Variants in CDH23 observed in about 807,000 individuals in gnomAD.
CDH23 encodes the protein cadherin related 23.
CDH23 carries 189 observed loss-of-function variants against 317.1 expected under a neutral mutation model. The ratio of observed to expected loss-of-function variants is 0.60; its 90% CI spans 0.53 to 0.67. The LOEUF (loss-of-function observed/expected upper bound fraction) is 0.67. Ranked by LOEUF, CDH23 falls within the 30% of genes least tolerant of loss-of-function variation. The pLI, the probability that CDH23 is intolerant of heterozygous loss-of-function variation, is 0.00. For synonymous variants in CDH23, 1,839 were observed against 1,876.8 expected (o/e 0.98, Z 0.52); for missense variants, 4,401 against 4,592.4 (o/e 0.96, Z 1.20).
intron 3 of CDH23, among the ~76,000 whole-genome samples, chr10:71,455,723 C>T (rs12772205): frequency 0.45 from 68,791 of 151,898 alleles, 15,810 homozygotes; most frequent in East Asian, 0.6. Context: ...ATTAAAGTCA[C>T]GGGTAGCAGT....
intron 28 of CDH23, chr10:71,715,694 C>T (rs1441969236): frequency 1.0e-5 from 4 of 390,984 alleles, no homozygotes; most frequent in Admixed American, 4.2e-5. Flanking sequence ...GAGTGCACAT[C>T]TCTTGACCAG....
intron 69 of CDH23, 132 bp downstream of exon 69, chr10:71,813,480 G>C (rs1198979094): frequency 1.5e-5 from 12 of 780,054 alleles, no homozygotes; most frequent in Admixed American, 8.6e-5. Context: ...CAATGGGTGG[G>C]GGCCAGGAAG....
intron 1 of CDH23, among the ~76,000 whole-genome samples, chr10:71,431,712 T>G (rs1440603564): frequency 1.3e-5 from 2 of 152,222 alleles, no homozygotes; most frequent in African/African-American, 2.4e-5. Flanking sequence ...ACTGAAACGC[T>G]GCCCAGATGT....
Position 71,812,540 on chromosome 10 carries a change from G to C in CDH23, c.9441G>C (p.Glu3147Asp), listed in dbSNP as rs768146515. 2 of 1,613,944 alleles carry C rather than the reference G, an allele frequency of 1.2e-6. No individual in the cohort carries two copies. The highest frequency in any genetic ancestry group is 3.3e-5 in the Admixed American group (2 of 60,034). Residue 3147 changes from glutamate (E) to aspartate (D), a missense_variant, in exon 67 of 70, where the codon GAG becomes GAC. By Grantham distance (45) the Glu-to-Asp change is conservative (BLOSUM62 2). This residue lies in a region of CDH23 where 1,144 missense variants were observed against 1,138.2 expected (regional missense o/e 1.01). Coordinates refer to ENST00000224721, the MANE Select transcript of CDH23 (RefSeq NM_022124.6). ...CRNLELAAQAEHEDDLPENLS... is the reference protein window; with the variant it reads ...CRNLELAAQADHEDDLPENLS... The stretch of plus-strand genomic sequence containing the variant: ...ACCTGGAGCTGGCCGCCCAGGCGGA[G>C]CATGAGGATGACCTACCGGAGAACC...
chr10:71,566,481 C>T (rs1362214826), intron 6 of CDH23, among the ~76,000 whole-genome samples: 1 of 151,852 alleles, frequency 6.6e-6, no homozygotes, highest in Non-Finnish European at 1.5e-5. Flanking sequence ...CGTAAGACCC[C>T]TCATCCAGAA....
At chr10:71,761,558 C>T in intron 38 of CDH23, 1 of 1,517,460 alleles carries the variant, frequency 6.6e-7, no homozygotes, top group Non-Finnish European at 8.8e-7. Context: ...ACAGGCAGCC[C>T]TCCACACACG....
intron 1 of CDH23, among the ~76,000 whole-genome samples, chr10:71,398,668 G>C (rs1458376469): frequency 1.3e-5 from 2 of 152,068 alleles, no homozygotes; most frequent in African/African-American, 4.8e-5. Context: ...CTACAGGGGT[G>C]GGGGCACTAG....
At chr10:71,581,472 T>C (rs2132412659) in intron 9 of CDH23, among the ~76,000 whole-genome samples, 1 of 152,276 alleles carries the variant, frequency 6.6e-6, no homozygotes. Flanking sequence ...ACTTGCCCAG[T>C]CCCCTGAGGC....
At chr10:71,603,444 A>G (rs1336442452) in intron 9 of CDH23, among the ~76,000 whole-genome samples, 1 of 138,430 alleles carries the variant, frequency 7.2e-6, no homozygotes, top group African/African-American at 3.1e-5. Flanking sequence ...GGCCCTGCCC[A>G]GTGACAGGCA....
intron 38 of CDH23, chr10:71,761,068 C>A: frequency 1.3e-6 from 1 of 765,372 alleles, no homozygotes. Context: ...AGCCTGCACA[C>A]GTGTGCACCC....
chr10:71,647,047 C>T (rs1038461551), intron 14 of CDH23: 1 of 985,354 alleles, frequency 1.0e-6, no homozygotes, highest in Non-Finnish European at 1.2e-6. Context: ...CATGGCTGGA[C>T]TTGCCCTTTG....
Position 71,709,085 on chromosome 10 carries a change from C to T in CDH23, c.3107-13C>T, listed in dbSNP as rs373137451. ...TGTTTCCCAGCCGGAAGCTTCCTCT[C>T]CTTCACCCACAGGTGGCAACGTGGA... On this transcript the variant is annotated splice_polypyrimidine_tract_variant and intron_variant, in intron 26 of 69. Transcript: ENST00000224721. 3.7e-5 allele frequency: 59 copies of T among 1,612,714 alleles called. No individual in the cohort carries two copies. The highest frequency in any genetic ancestry group is 2.2e-4 in the Admixed American group (13 of 60,004).
Position 71,705,022 on chromosome 10 carries a change from A to G in CDH23, c.2845A>G (p.Thr949Ala). Residue 949 changes from threonine to alanine, a missense_variant, in exon 25 of 70, where the codon ACC becomes GCC. By Grantham distance (58) the Thr-to-Ala change is moderately conservative. Coordinates refer to ENST00000224721, the MANE Select transcript of CDH23 (RefSeq NM_022124.6). ...CAACAGCAGCAGCGGCGTGGTGGTC[A>G]CCACCACCGAGCTGGACCGCGAGCG... ...LINSSSGVVV[T>A]TTELDRERIA... The G allele has an allele frequency of 1.2e-6, 2 of 1,612,614 alleles. No individual in the cohort carries two copies. Among genetic ancestry groups the G allele is most frequent in the Non-Finnish European group, 1.7e-6 (2 of 1,179,746 alleles).
chr10:71,483,445 T>C (rs1231622477), intron 3 of CDH23, among the ~76,000 whole-genome samples: 2 of 152,124 alleles, frequency 1.3e-5, no homozygotes, highest in African/African-American at 2.4e-5. Flanking sequence ...CCCAGCTGGG[T>C]CTCAACCCCG....
Position 71,800,862 on chromosome 10 carries a change from G to C in CDH23, c.7482+107G>C, listed in dbSNP as rs1180536722. On this transcript the variant is annotated intron_variant, in intron 53 of 69. Transcript: ENST00000224721. ...CTGCAGACTGGGAGCAGAGCCCCCC[G>C]GTCCCCTTTGAGACACAGTGACAGA... is the stretch of plus-strand genomic sequence containing the variant. 1.7e-5 allele frequency: 25 copies of C among 1,458,500 alleles called. No homozygotes were observed. In the African/African-American group the frequency reaches 2.8e-4, roughly 16 times the overall value. 90.3% of individuals were successfully genotyped at this position (1,458,500 alleles called of 1,614,324 possible). A position where few individuals can be genotyped will look rare whatever the true frequency, so the allele number is the denominator to read the frequency against.
At chr10:71,807,181 A>C (rs1435340890) in intron 57 of CDH23, 96 bp from the exon 58 acceptor site, 16 of 1,469,320 alleles carry the variant, frequency 1.1e-5, no homozygotes, top group Non-Finnish European at 7.4e-6. Flanking sequence ...AAACTCCCTC[A>C]GCACCTACAA....
chr10:71,405,353 A>T (rs1848045329), intron 1 of CDH23, among the ~76,000 whole-genome samples: 1 of 151,894 alleles, frequency 6.6e-6, no homozygotes, highest in African/African-American at 2.4e-5. Flanking sequence ...GTGGCAATGG[A>T]ACTCTGGGCT....
chr10:71,704,201 G>T (rs1199581867), intron 24 of CDH23, among the ~76,000 whole-genome samples: 1 of 152,220 alleles, frequency 6.6e-6, no homozygotes, highest in African/African-American at 2.4e-5. Context: ...AATCCTGAGA[G>T]TCTTGGCTTA....
At chr10:71,701,478 CA>C (rs1865582010) in intron 22 of CDH23, among the ~76,000 whole-genome samples, 1 of 152,066 alleles carries the variant, frequency 6.6e-6, no homozygotes, top group Admixed American at 6.5e-5. Context: ...AGTGGGGAAC[CA>C]GGCTGTAGGC....
Sources: allele counts gnomAD v4.1 joint callset (sites outside exome capture counted in the v4.1 genomes callset), GRCh38; gene constraint gnomAD v4.1.1; regional missense constraint gnomAD v4.1.1; transcripts MANE v1.5; gene names NCBI Gene and HGNC (gene_info 2026-07-23, HGNC 2026-07-21).